The following ZNF436 variants were observed in gnomAD, a reference collection of about 807,000 sequenced individuals.
The protein encoded by ZNF436 is zinc finger protein 436.
A neutral mutation model predicts 41.9 loss-of-function variants in ZNF436; 22 were observed. The observed-to-expected ratio is 0.53, with a 90% CI of 0.38 to 0.75. ZNF436 has a LOEUF of 0.75. Ranked by LOEUF, ZNF436 falls within the 30% of genes least tolerant of loss-of-function variation. The probability of loss-of-function intolerance (pLI) is 0.00; values close to 1 mark genes in which losing one functional copy is unlikely to be tolerated. For missense variants in ZNF436, 506 were observed against 587.3 expected, an observed-to-expected ratio of 0.86 and a Z score of 1.43; for synonymous variants, 217 against 197.8, an observed-to-expected ratio of 1.10 and a Z score of -0.82.
intron 3 of ZNF436, among the ~76,000 whole-genome samples, chr1:23,365,584 T>C (rs1258391018): frequency 6.6e-6 from 1 of 150,734 alleles, no homozygotes; most frequent in African/African-American, 2.4e-5. Context: ...CGTGGTGGCA[T>C]GCACCTGTAA....
At chr1:23,365,122 G>A (rs894062579) in intron 3 of ZNF436, among the ~76,000 whole-genome samples, 1 of 151,920 alleles carries the variant, frequency 6.6e-6, no homozygotes, top group Non-Finnish European at 1.5e-5. Flanking sequence ...GGCCGGGCGC[G>A]GTGGCTCACG....
rs552536159 is a variant in ZNF436, at chr1:23,361,900, G to T, written c.*69C>A. The T allele has an allele frequency of 3.4e-6, 5 of 1,470,232 alleles. No individual in the cohort carries two copies. The South Asian group carries it at 5.4e-5, about 16-fold the overall frequency. 91.1% of individuals were successfully genotyped at this position (1,470,232 alleles called of 1,614,324 possible). A position where few individuals can be genotyped will look rare whatever the true frequency, so the allele number is the denominator to read the frequency against. ...TATGATAAAAGCAGCTCAGTCTTGA[G>T]GGCGTTCATTGATATCAAATAAAAT... On this transcript the variant is annotated 3_prime_UTR_variant, in exon 4 of 4. Coordinates refer to ENST00000314011, the MANE Select transcript of ZNF436 (RefSeq NM_001077195.2).
chr1:23,362,247 TGATGA>T lies in ZNF436; in HGVS notation c.1130_1134del (p.Leu377HisfsTer13). ...TCTCCAGTGTGAATTTTCTGGTGTG[TGATGA>T]GATGAGAGCTCCGGCTGAAGCTTTT... On this transcript the variant is annotated frameshift_variant, in exon 4 of 4. Coordinates refer to ENST00000314011, the MANE Select transcript of ZNF436 (RefSeq NM_001077195.2). LOFTEE classifies it high-confidence loss of function. 1 of 1,613,936 alleles carries T rather than the reference TGATGA, an allele frequency of 6.2e-7. No homozygotes were observed. The highest frequency in any genetic ancestry group is 8.5e-7 in the Non-Finnish European group (1 of 1,179,964).
rs1426904268 is a variant in ZNF436 at position 23,361,041 on chromosome 1, T to G, written c.*928A>C. On this transcript the variant is annotated 3_prime_UTR_variant, in exon 4 of 4. Coordinates refer to ENST00000314011, the MANE Select transcript of ZNF436 (RefSeq NM_001077195.2). ...GTTAGCAGGATAGGAAGAGTTGATCTTAAAGATTAGAAGGGAAAGAACACA... is the reference window on the plus strand; with the variant it reads ...GTTAGCAGGATAGGAAGAGTTGATCGTAAAGATTAGAAGGGAAAGAACACA... 6.6e-6 allele frequency: 1 copy of G among 152,372 alleles called. No homozygotes were observed. The highest frequency in any genetic ancestry group is 1.5e-5 in the Non-Finnish European group (1 of 68,036). 9.4% of individuals were successfully genotyped at this position (152,372 alleles called of 1,614,324 possible).
intron 3 of ZNF436, among the ~76,000 whole-genome samples, chr1:23,365,074 T>G (rs1223114449): frequency 6.6e-6 from 1 of 151,640 alleles, no homozygotes; most frequent in Non-Finnish European, 1.5e-5. Context: ...CTGTGCAACA[T>G]AGGGAGGTCT....
intron 2 of ZNF436, 105 bp downstream of exon 2, chr1:23,367,868 G>T: frequency 7.5e-7 from 1 of 1,339,814 alleles, no homozygotes. Context: ...CGAAGCCAGC[G>T]AATTACTAAT....
chr1:23,369,809 C>T lies in ZNF436; in HGVS notation c.-504G>A. The T allele has an allele frequency of 3.0e-6, 1 of 331,106 alleles. No homozygotes were observed. The highest frequency in any genetic ancestry group is 2.5e-5 in the South Asian group (1 of 40,812). 20.5% of individuals were successfully genotyped at this position (331,106 alleles called of 1,614,324 possible). On this transcript the variant is annotated 5_prime_UTR_variant, in exon 1 of 4. Transcript: ENST00000314011. The stretch of plus-strand genomic sequence containing the variant: ...GGCATTCTGCGTGGGGAAGAGCTCC[C>T]AGCTCGCTGTAGCCTTGGAGAGGGA...
Position 23,363,146 on chromosome 1 carries a change from G to T in ZNF436, c.236C>A (p.Ser79Tyr). ...CTCAGCATTCTCAGCAGGTCTTTCA[G>T]ATGTAGTCCCAAATTGTACATCTTC... Reference protein sequence around the residue: ...ISEDVQFGTTSERPAENAEEN... With the variant: ...ISEDVQFGTTYERPAENAEEN... The change falls in exon 4 of 4, where the codon TCT (serine) becomes TAT (tyrosine). Residue 79 changes from serine to tyrosine, a missense_variant. Around this residue, in one of 2 missense-constraint regions of ZNF436, gnomAD observed 228 missense variants for 215.1 expected, o/e 1.06. Coordinates refer to ENST00000314011, the MANE Select transcript of ZNF436 (RefSeq NM_001077195.2). 6.2e-7 allele frequency: 1 copy of T among 1,614,120 alleles called. No individual in the cohort carries two copies. The highest frequency in any genetic ancestry group is 1.1e-5 in the South Asian group (1 of 91,086).
chr1:23,366,578 A>G (rs1638362771), intron 3 of ZNF436, among the ~76,000 whole-genome samples: 1 of 152,260 alleles, frequency 6.6e-6, no homozygotes, highest in East Asian at 1.9e-4. Flanking sequence ...AAACATCTCT[A>G]GATGAGAATC....
Position 23,362,967 on chromosome 1 carries a change from T to C in ZNF436, c.415A>G (p.Ile139Val), listed in dbSNP as rs765803028. The change falls in exon 4 of 4, where the codon ATA becomes GTA. Residue 139 changes from isoleucine (I) to valine (V), a missense_variant. Ile to Val is a conservative substitution (Grantham distance 29, BLOSUM62 3). Coordinates refer to ENST00000314011, the MANE Select transcript of ZNF436 (RefSeq NM_001077195.2). ...AAGGCCTTTCCACAATGAGAACATATATGATAGCGGATGCCTGTGTGGACT... is the reference window on the plus strand; with the variant it reads ...AAGGCCTTTCCACAATGAGAACATACATGATAGCGGATGCCTGTGTGGACT... ...KEVHTGIRYHICSHCGKAFSQ... is the reference protein window; with the variant it reads ...KEVHTGIRYHVCSHCGKAFSQ... 38 of 1,614,226 alleles carry C rather than the reference T, an allele frequency of 2.4e-5. No individual in the cohort carries two copies. The highest frequency in any genetic ancestry group is 3.0e-5 in the Non-Finnish European group (35 of 1,180,040).
rs562223828 is a variant in ZNF436 at position 23,363,337 on chromosome 1, G to A, written c.161-116C>T. The A allele has an allele frequency of 1.4e-5, 11 of 798,218 alleles. No homozygotes were observed. In the Middle Eastern group the frequency reaches 1.4e-3, roughly 98 times the overall value. The allele number at this position is 798,218 out of a possible 1,614,324, so 49.4% of individuals were successfully genotyped here. A position where few individuals can be genotyped will look rare whatever the true frequency, so the allele number is the denominator to read the frequency against. ...AGAGTCTCACTGTGTTGCCTTGGCT[G>A]GAGTGCAGTGGTGTGATCTTGGCTC... On this transcript the variant is annotated intron_variant, in intron 3 of 3. Transcript: ENST00000314011.
At chr1:23,368,843 G>A (rs1462039236) in intron 1 of ZNF436, among the ~76,000 whole-genome samples, 3 of 152,210 alleles carry the variant, frequency 2.0e-5, no homozygotes, top group African/African-American at 2.4e-5. Flanking sequence ...CCCCAGGGGA[G>A]ACTCGGAGGC....
chr1:23,364,427 C>T, intron 3 of ZNF436, among the ~76,000 whole-genome samples: 1 of 152,092 alleles, frequency 6.6e-6, no homozygotes, highest in East Asian at 1.9e-4. Context: ...TTAGTAGAGA[C>T]AGGTTTTACC....
Position 23,363,205 on chromosome 1 carries a change from A to G in ZNF436, c.177T>C (p.Ser59=), listed in dbSNP as rs1209728114. ...CTTGCTTGGGATTTACCTCGTTCTC[A>G]CTCCTGATCTCAAAATCTGTAATAA... ...NVVSLDFEIR[S]ENEVNPKQEI... The change falls in exon 4 of 4, where the codon AGT becomes AGC. Residue 59 remains serine (S), a synonymous_variant. Coordinates refer to ENST00000314011, the MANE Select transcript of ZNF436 (RefSeq NM_001077195.2). 6.2e-7 allele frequency: 1 copy of G among 1,610,208 alleles called. No individual in the cohort carries two copies. Among genetic ancestry groups the G allele is most frequent in the Admixed American group, 1.7e-5 (1 of 59,688 alleles).
At position 23,362,780 on chromosome 1, in the gene ZNF436, T is replaced by C; in HGVS notation, c.602A>G (p.Lys201Arg). The change falls in exon 4 of 4, where the codon AAA becomes AGA. Residue 201 changes from lysine to arginine, a missense_variant. This residue lies in a region of ZNF436 where 278 missense variants were observed against 372.1 expected (regional missense o/e 0.75). Coordinates refer to ENST00000314011, the MANE Select transcript of ZNF436 (RefSeq NM_001077195.2). ...CAGGTGAGAACTTCTTCCAAAACTTTTCCCACACTCGTTACAGTCATAAGG... is the reference window on the plus strand; with the variant it reads ...CAGGTGAGAACTTCTTCCAAAACTTCTCCCACACTCGTTACAGTCATAAGG... ...ERPYDCNECG[K>R]SFGRSSHLIQ... 6.2e-7 allele frequency: 1 copy of C among 1,614,228 alleles called. No individual in the cohort carries two copies. Among genetic ancestry groups the C allele is most frequent in the Non-Finnish European group, 8.5e-7 (1 of 1,180,046 alleles).
In ZNF436 at chr1:23,362,464, G is replaced by A. The variant is rs149957442; in HGVS notation, c.918C>T (p.Tyr306=). 481 of 1,613,940 alleles carry A rather than the reference G, an allele frequency of 3.0e-4. 1 individual carries two copies. In the African/African-American group the frequency reaches 5.8e-3, roughly 20 times the overall value. ...AATTCTTCCCACACTCATCACACTT[G>A]TAGGGCCTCTCCCCTGTGTGGACTC... ...HYRVHTGERP[Y]KCDECGKNFS... Residue 306 remains tyrosine, a synonymous_variant, in exon 4 of 4, where the codon TAC becomes TAT. Transcript: ENST00000314011.
chr1:23,362,898 C>A lies in ZNF436; in HGVS notation c.484G>T (p.Gly162Ter). 1 of 1,614,214 alleles carries A rather than the reference C, an allele frequency of 6.2e-7. No homozygotes were observed. Reference sequence around the variant, plus strand: ...TCATAACATTTATAGGGTCTGTCTCCAGTGTGGGTCTTCTGATGTCGATTA... The same window carrying A: ...TCATAACATTTATAGGGTCTGTCTCAAGTGTGGGTCTTCTGATGTCGATTA... ...DLNRHQKTHT[G>*]DRPYKCYECG... The change falls in exon 4 of 4, where the codon GGA becomes TGA. Residue 162 changes from glycine to a stop codon, truncating the protein, a stop_gained. Coordinates refer to ENST00000314011, the MANE Select transcript of ZNF436 (RefSeq NM_001077195.2). LOFTEE classifies it high-confidence loss of function.
In ZNF436 at chr1:23,362,969, T is replaced by C. The variant is rs752292460; in HGVS notation, c.413A>G (p.His138Arg). 2.5e-6 allele frequency: 4 copies of C among 1,614,226 alleles called. No individual in the cohort carries two copies. Among genetic ancestry groups the C allele is most frequent in the Non-Finnish European group, 3.4e-6 (4 of 1,180,046 alleles). The change falls in exon 4 of 4, where the codon CAT (histidine) becomes CGT (arginine). Residue 138 changes from histidine to arginine, a missense_variant. By Grantham distance (29) the His-to-Arg change is conservative (BLOSUM62 0). This residue lies in a region of ZNF436 where 228 missense variants were observed against 215.1 expected (regional missense o/e 1.06). Coordinates refer to ENST00000314011, the MANE Select transcript of ZNF436 (RefSeq NM_001077195.2). Reference sequence around the variant, plus strand: ...GGCCTTTCCACAATGAGAACATATATGATAGCGGATGCCTGTGTGGACTTC... The same window carrying C: ...GGCCTTTCCACAATGAGAACATATACGATAGCGGATGCCTGTGTGGACTTC... ...HKEVHTGIRY[H>R]ICSHCGKAFS...
In ZNF436 at chr1:23,368,074, G is replaced by C. The variant is rs578009863; in HGVS notation, c.-60-9C>G. 4 of 1,585,068 alleles carry C rather than the reference G, an allele frequency of 2.5e-6. No homozygotes were observed. Among genetic ancestry groups the C allele is most frequent in the African/African-American group, 2.7e-5 (2 of 74,386 alleles). Reference sequence around the variant, plus strand: ...GCAGCTAGCAGACAGCGCTGAAGGAGGCGAAAAGCAGGGCGTGAGGCACGG... The same window carrying C: ...GCAGCTAGCAGACAGCGCTGAAGGACGCGAAAAGCAGGGCGTGAGGCACGG... On this transcript the variant is annotated splice_polypyrimidine_tract_variant and intron_variant, in intron 1 of 3. Transcript: ENST00000314011.
Sources: allele counts gnomAD v4.1 joint callset (sites outside exome capture counted in the v4.1 genomes callset), GRCh38; gene constraint gnomAD v4.1.1; regional missense constraint gnomAD v4.1.1; transcripts MANE v1.5; gene names NCBI Gene and HGNC (gene_info 2026-07-23, HGNC 2026-07-21).